TMEM117: variants seen among roughly 807,000 people sequenced by gnomAD.
The protein encoded by TMEM117 is transmembrane protein 117.
TMEM117 carries 27 observed loss-of-function variants against 52.4 expected under a neutral mutation model. The observed-to-expected ratio is 0.51, with a 90% confidence interval of 0.38 to 0.71. The LOEUF is 0.71. TMEM117 is among the 30% of genes least tolerant of loss of function. TMEM117 has a pLI of 0.00. For synonymous variants in TMEM117, 215 were observed against 206.3 expected (o/e 1.04, Z -0.36); for missense variants, 556 against 630.5 (o/e 0.88, Z 1.26).
intron 3 of TMEM117, among the ~76,000 whole-genome samples, chr12:44,141,506 A>G (rs893806838): frequency 3.3e-5 from 5 of 152,044 alleles, no homozygotes; most frequent in African/African-American, 1.2e-4. Flanking sequence ...CTATTTTTAG[A>G]TAGTAAAATA....
intron 6 of TMEM117, among the ~76,000 whole-genome samples, chr12:44,367,212 A>G (rs1231223194): frequency 6.6e-6 from 1 of 152,056 alleles, no homozygotes; most frequent in Non-Finnish European, 1.5e-5. Flanking sequence ...AGAGTTCTGT[A>G]TTTATTTCCT....
At chr12:44,376,534 G>A in intron 6 of TMEM117, 61 bp from the exon 7 acceptor site, 3 of 1,572,006 alleles carry the variant, frequency 1.9e-6, no homozygotes, top group South Asian at 1.2e-5. Flanking sequence ...TCAATTTTTG[G>A]TGTTTTGCTG....
chr12:43,909,587 T>A (rs1163865755), intron 2 of TMEM117, among the ~76,000 whole-genome samples: 1 of 149,538 alleles, frequency 6.7e-6, no homozygotes, highest in African/African-American at 2.4e-5. Context: ...TCAACAAAAT[T>A]GATAGACCGC....
chr12:43,850,464 T>C (rs1267177646), intron 2 of TMEM117, among the ~76,000 whole-genome samples: 1 of 152,212 alleles, frequency 6.6e-6, no homozygotes, highest in Non-Finnish European at 1.5e-5. Context: ...TTGCTGGTTC[T>C]CAAACTTGCC....
intron 3 of TMEM117, among the ~76,000 whole-genome samples, chr12:43,967,900 C>A (rs971399732): frequency 1.3e-5 from 2 of 152,188 alleles, no homozygotes; most frequent in Admixed American, 1.3e-4. Context: ...CGTGTGGACA[C>A]GCACACATAC....
chr12:44,296,944 C>G (rs1365098790), intron 5 of TMEM117, among the ~76,000 whole-genome samples: 1 of 152,168 alleles, frequency 6.6e-6, no homozygotes, highest in East Asian at 1.9e-4. Context: ...GTTCATAAGC[C>G]TGGCAACTGG....
intron 6 of TMEM117, among the ~76,000 whole-genome samples, chr12:44,327,319 G>A (rs892664285): frequency 2.6e-5 from 4 of 152,144 alleles, no homozygotes; most frequent in Non-Finnish European, 4.4e-5. Context: ...ACAGTGTTTA[G>A]GAGGATAAAT....
At chr12:43,978,514 T>A (rs1386819337) in intron 3 of TMEM117, among the ~76,000 whole-genome samples, 1 of 152,200 alleles carries the variant, frequency 6.6e-6, no homozygotes, top group Admixed American at 6.6e-5. Context: ...ACAGCCACTT[T>A]TCCATTTTTA....
At chr12:44,189,670 G>T (rs1949325932) in intron 4 of TMEM117, among the ~76,000 whole-genome samples, 1 of 152,174 alleles carries the variant, frequency 6.6e-6, no homozygotes, top group Non-Finnish European at 1.5e-5. Flanking sequence ...GAAGTAAAAA[G>T]GTTCAGAAGC....
At chr12:43,836,336 C>G (rs1943028337) in intron 1 of TMEM117, 140 bp downstream of exon 1, 1 of 152,488 alleles carries the variant, frequency 6.6e-6, no homozygotes, top group South Asian at 2.1e-4. Context: ...CGCGGAACCC[C>G]GGCCCGGCCC....
intron 3 of TMEM117, among the ~76,000 whole-genome samples, chr12:44,041,190 C>T (rs1018970713): frequency 2.6e-5 from 4 of 150,980 alleles, no homozygotes; most frequent in Admixed American, 6.6e-5. Context: ...GTGTGCTGCA[C>T]CCATTAACTC....
At chr12:43,800,548 TTTAC>T in the TMEM117 span, 10 of 1,575,290 alleles carry the variant, frequency 6.3e-6, no homozygotes, top group Middle Eastern at 3.3e-4. Flanking sequence ...GTTGTGAAAG[TTTAC>T]TTAGTTTATA....
At chr12:43,833,855 G>A (rs1942996385), upstream of TMEM117, among the ~76,000 whole-genome samples, 1 of 151,994 alleles carries the variant, frequency 6.6e-6, no homozygotes, top group Admixed American at 6.6e-5. Context: ...CACTTTGAGA[G>A]GATGAGGTGG....
At chr12:44,139,083 C>T (rs1295506571) in intron 3 of TMEM117, among the ~76,000 whole-genome samples, 2 of 152,046 alleles carry the variant, frequency 1.3e-5, no homozygotes, top group Non-Finnish European at 2.9e-5. Context: ...TGTGAAGCCC[C>T]CAATCTTATT....
intron 3 of TMEM117, among the ~76,000 whole-genome samples, chr12:44,101,663 A>T (rs1220041071): frequency 2.6e-5 from 4 of 151,916 alleles, no homozygotes; most frequent in Non-Finnish European, 5.9e-5. Context: ...CAATGGATCA[A>T]ATGAGAAAAT....
chr12:44,040,527 A>C (rs1428929644), intron 3 of TMEM117, among the ~76,000 whole-genome samples: 2 of 152,156 alleles, frequency 1.3e-5, no homozygotes, highest in African/African-American at 4.8e-5. Flanking sequence ...TCATAATTTG[A>C]ATAATTTATA....
intron 3 of TMEM117, among the ~76,000 whole-genome samples, chr12:44,069,722 A>G (rs1345881136): frequency 6.6e-6 from 1 of 152,256 alleles, no homozygotes; most frequent in East Asian, 1.9e-4. Context: ...TTCTATCCCT[A>G]TTTCAGGAAT....
At chr12:44,265,657 A>G (rs1358333351) in intron 5 of TMEM117, among the ~76,000 whole-genome samples, 2 of 152,162 alleles carry the variant, frequency 1.3e-5, no homozygotes. Flanking sequence ...ATTTAGTAGC[A>G]TTTAGGGCTT....
chr12:43,948,406 T>C (rs561755849), intron 3 of TMEM117, among the ~76,000 whole-genome samples: 24 of 151,928 alleles, frequency 1.6e-4, no homozygotes, highest in African/African-American at 5.3e-4. Flanking sequence ...CCTGGGTTCA[T>C]GCCATTCTCC....
Sources: allele counts gnomAD v4.1 joint callset (sites outside exome capture counted in the v4.1 genomes callset), GRCh38; gene constraint gnomAD v4.1.1; transcripts MANE v1.5; gene names NCBI Gene and HGNC (gene_info 2026-07-23, HGNC 2026-07-21).